The following NCALD variants were observed in gnomAD, a reference collection of about 807,000 sequenced individuals.
The protein encoded by NCALD is neurocalcin delta.
In NCALD, 10 loss-of-function variants were observed where a neutral mutation model predicts 18.6. The observed-to-expected ratio is 0.54, with a 90% confidence interval of 0.33 to 0.91. The LOEUF (loss-of-function observed/expected upper bound fraction) is 0.91, where lower values mean the gene tolerates loss of function less well. Among genes scored for constraint, NCALD ranks in the 40% least tolerant of loss-of-function variants. The pLI, the probability that NCALD is intolerant of heterozygous loss-of-function variation, is 0.03. For missense variants in NCALD, 184 were observed against 247.6 expected (o/e 0.74, Z 1.72); for synonymous variants, 88 against 87.4 (o/e 1.01, Z -0.04).
At chr8:102,094,661 T>A (rs535264036) in intron 1 of NCALD, among the ~76,000 whole-genome samples, 2 of 152,264 alleles carry the variant, frequency 1.3e-5, no homozygotes, top group South Asian at 4.1e-4. Flanking sequence ...TCCTAACCTC[T>A]AGTACCTGTA....
intron 2 of NCALD, among the ~76,000 whole-genome samples, chr8:101,945,839 G>C (rs1245887127): frequency 6.6e-6 from 1 of 152,160 alleles, no homozygotes; most frequent in Non-Finnish European, 1.5e-5. Flanking sequence ...TGAAGAGTTG[G>C]TAAACGAGGC....
At chr8:101,715,514 T>C (rs371513792) in intron 2 of NCALD, among the ~76,000 whole-genome samples, 1 of 152,152 alleles carries the variant, frequency 6.6e-6, no homozygotes. Context: ...AAAGAAACTA[T>C]CATCAGAGTG....
intron 1 of NCALD, among the ~76,000 whole-genome samples, chr8:102,054,748 G>T (rs1823587549): frequency 6.9e-6 from 1 of 144,680 alleles, no homozygotes; most frequent in African/African-American, 2.5e-5. Flanking sequence ...TAGATCTATA[G>T]GATGATAGAT....
intron 4 of NCALD, chr8:101,871,906 G>A (rs1226402246): frequency 1.9e-5 from 13 of 689,722 alleles, no homozygotes; most frequent in Admixed American, 7.7e-5. Context: ...ACCTTCAATC[G>A]GCTTCTTAGG....
At chr8:101,810,653 T>C (rs546536993) in intron 4 of NCALD, among the ~76,000 whole-genome samples, 74 of 152,276 alleles carry the variant, frequency 4.9e-4, no homozygotes, top group Middle Eastern at 6.8e-3. Flanking sequence ...TTCATTTTTT[T>C]ACAAGAGAGA....
In NCALD at chr8:101,734,563, G is replaced by A. The variant is rs1010359693; in HGVS notation, c.-19-14915C>T. On this transcript the variant is annotated intron_variant, in intron 1 of 3. Coordinates refer to ENST00000220931, the MANE Select transcript of NCALD (RefSeq NM_032041.3). ...AAATTGACAATTTGTTGCCATTGAC[G>A]AGCATTTTATTTTGCTGTGGCGCCA... is the stretch of plus-strand genomic sequence containing the variant. Among the ~76,000 whole-genome samples, 7 of 152,244 alleles carry A rather than the reference G, an allele frequency of 4.6e-5. No homozygotes were observed. In the East Asian group the frequency reaches 9.6e-4, roughly 21 times the overall value.
chr8:101,981,232 C>A (rs1381202693), intron 2 of NCALD, among the ~76,000 whole-genome samples: 1 of 152,162 alleles, frequency 6.6e-6, no homozygotes, highest in Non-Finnish European at 1.5e-5. Flanking sequence ...TTCTGAAAAA[C>A]TACAGGTCTC....
Position 101,946,674 on chromosome 8 carries a change from T to C in NCALD, c.-156-30816A>G, listed in dbSNP as rs186692689. Reference sequence around the variant, plus strand: ...CTTGGGTGGAGGAATGATGAAATCGTTCACACTTTATGAAAAGTTTATGGG... The same window carrying C: ...CTTGGGTGGAGGAATGATGAAATCGCTCACACTTTATGAAAAGTTTATGGG... On this transcript the variant is annotated intron_variant, in intron 2 of 6. Coordinates refer to the NCALD transcript ENST00000311028. 1.6e-3 allele frequency among the ~76,000 whole-genome samples: 243 copies of C among 152,160 alleles called. 3 individuals carry two copies. The highest frequency in any genetic ancestry group is 5.1e-3 in the African/African-American group (212 of 41,514).
At chr8:101,744,389 A>G (rs1333680009) in intron 1 of NCALD, among the ~76,000 whole-genome samples, 1 of 152,228 alleles carries the variant, frequency 6.6e-6, no homozygotes, top group African/African-American at 2.4e-5. Context: ...AAACAGAACC[A>G]AATCCTTACA....
chr8:101,912,127 T>C (rs1422208633), intron 3 of NCALD, among the ~76,000 whole-genome samples: 1 of 152,086 alleles, frequency 6.6e-6, no homozygotes, highest in Non-Finnish European at 1.5e-5. Flanking sequence ...ACTCATAAAA[T>C]TAGTGAAAAT....
At chr8:101,928,177 G>A (rs192985892) in intron 2 of NCALD, among the ~76,000 whole-genome samples, 11 of 151,942 alleles carry the variant, frequency 7.2e-5, no homozygotes, top group Middle Eastern at 3.4e-3. Flanking sequence ...CTCAATGATC[G>A]CGCGATGTAG....
intron 4 of NCALD, among the ~76,000 whole-genome samples, chr8:101,797,332 C>A (rs77180150): frequency 0.024 from 3,675 of 152,192 alleles, 71 homozygotes; most frequent in African/African-American, 0.059. Context: ...AATCAACCTG[C>A]TAAAAACTAA....
chr8:101,898,002 C>T (rs1297043250), intron 3 of NCALD, among the ~76,000 whole-genome samples: 2 of 151,942 alleles, frequency 1.3e-5, no homozygotes, highest in Non-Finnish European at 2.9e-5. Flanking sequence ...TCAGGGGCTT[C>T]CCCCTTTGCT....
intron 1 of NCALD, among the ~76,000 whole-genome samples, chr8:102,105,497 G>C: frequency 6.6e-6 from 1 of 152,300 alleles, no homozygotes; most frequent in South Asian, 2.1e-4. Flanking sequence ...GGAATCTCTT[G>C]CTTATAGATT....
chr8:102,069,061 T>C (rs1391065761), intron 1 of NCALD, among the ~76,000 whole-genome samples: 1 of 152,254 alleles, frequency 6.6e-6, no homozygotes, highest in Non-Finnish European at 1.5e-5. Flanking sequence ...TGGGGAGATG[T>C]TGTCCAAAGG....
chr8:101,879,697 G>T (rs1816398864), intron 4 of NCALD, among the ~76,000 whole-genome samples: 1 of 152,180 alleles, frequency 6.6e-6, no homozygotes, highest in South Asian at 2.1e-4. Context: ...GCACTCATTG[G>T]TCCGTTTTGA....
chr8:101,983,378 C>G (rs940073592), intron 2 of NCALD, among the ~76,000 whole-genome samples: 1 of 152,180 alleles, frequency 6.6e-6, no homozygotes, highest in African/African-American at 2.4e-5. Context: ...CCCAGGACTC[C>G]GTCCCTATGC....
intron 2 of NCALD, among the ~76,000 whole-genome samples, chr8:102,000,661 A>C (rs1821420804): frequency 6.6e-6 from 1 of 152,224 alleles, no homozygotes; most frequent in Non-Finnish European, 1.5e-5. Context: ...ACAGCTGGGT[A>C]GTCCTCTGAG....
At chr8:102,018,213 T>C (rs546049450) in intron 2 of NCALD, among the ~76,000 whole-genome samples, 14 of 152,196 alleles carry the variant, frequency 9.2e-5, no homozygotes, top group Non-Finnish European at 2.1e-4. Context: ...TTGCTATGCT[T>C]TCCATATGAT....
Sources: gnomAD v4.1 joint callset for allele counts (sites outside exome capture counted in the v4.1 genomes callset) on GRCh38, gnomAD v4.1.1 for gene constraint, MANE v1.5 for transcripts, NCBI Gene and HGNC (gene_info 2026-07-23, HGNC 2026-07-21) for gene names.